CELA3B: variants seen among roughly 807,000 people sequenced by gnomAD.
The protein encoded by CELA3B is chymotrypsin-like elastase family member 3B.
A neutral mutation model predicts 37.2 loss-of-function variants in CELA3B; 34 were observed. The observed-to-expected ratio is 0.91, with a 90% CI of 0.70 to 1.22. The LOEUF is 1.22. Among genes scored for constraint, CELA3B ranks in the 50% most tolerant of loss-of-function variants. CELA3B has a pLI of 0.00. For synonymous variants in CELA3B, 127 were observed against 143.5 expected (o/e 0.89, Z 0.82); for missense variants, 340 against 363.1 (o/e 0.94, Z 0.52).
At position 21,980,884 on chromosome 1, in the gene CELA3B, G is replaced by A. The variant is rs766477609; in HGVS notation, c.190G>A (p.Ala64Thr). The A allele has an allele frequency of 1.7e-5, 27 of 1,612,472 alleles. No individual in the cohort carries two copies. The highest frequency in any genetic ancestry group is 2.2e-5 in the East Asian group (1 of 44,830). Residue 64 changes from alanine (A) to threonine (T), a missense_variant, in exon 3 of 8, where the codon GCC becomes ACC. Coordinates refer to ENST00000337107, the MANE Select transcript of CELA3B (RefSeq NM_007352.4). The stretch of plus-strand genomic sequence containing the variant: ...CCACACCTGTGGCGGTAGCCTCATC[G>A]CCCCCGACTGGGTTGTGACTGCCGG... ...FYHTCGGSLI[A>T]PDWVVTAGHC...
chr1:21,979,506 G>A (rs1308932996), intron 2 of CELA3B, among the ~76,000 whole-genome samples: 20 of 138,436 alleles, frequency 1.4e-4, no homozygotes, highest in Non-Finnish European at 2.9e-4. Context: ...AGGCTGGAGT[G>A]CAGTGGTGTA....
chr1:21,989,771 G>A (rs1384733066), downstream of CELA3B, among the ~76,000 whole-genome samples: 3 of 150,842 alleles, frequency 2.0e-5, 1 homozygote, highest in African/African-American at 7.4e-5. Flanking sequence ...GGGGGCTTTG[G>A]TTATTCATTC....
At chr1:21,988,903 A>T (rs542658138) in intron 7 of CELA3B, among the ~76,000 whole-genome samples, 1 of 103,346 alleles carries the variant, frequency 9.7e-6, no homozygotes, top group African/African-American at 2.8e-5. Flanking sequence ...AAGAAAAAAA[A>T]CTCCAAAAAT....
At position 21,997,012 on chromosome 1, in the gene CELA3B, T is replaced by C. The variant is rs1644893346; in HGVS notation, c.505-1139T>C. Among the ~76,000 whole-genome samples the C allele has an allele frequency of 2.0e-5, 3 of 151,276 alleles. No individual in the cohort carries two copies. The South Asian group carries it at 6.2e-4, about 31-fold the overall frequency. On this transcript the variant is annotated intron_variant, in intron 4 of 4. Transcript: ENST00000400277. ...ATTTATTCCAGCAAAAATCTGAGAATAGTCATCCAGAAACATGGGCTCCAG... is the reference window on the plus strand; with the variant it reads ...ATTTATTCCAGCAAAAATCTGAGAACAGTCATCCAGAAACATGGGCTCCAG...
chr1:21,984,388 G>A, intron 6 of CELA3B, 57 bp downstream of exon 6: 2 of 1,575,974 alleles, frequency 1.3e-6, no homozygotes, highest in African/African-American at 1.3e-5. Flanking sequence ...CTTGGAATGG[G>A]GCCAACTGCC....
chr1:21,998,357 G>A (rs1644900026), exon 5 of CELA3B: 1 of 376,374 alleles, frequency 2.7e-6, no homozygotes, highest in African/African-American at 2.1e-5. Flanking sequence ...CGAGGCCACA[G>A]CAGTGAACAA....
rs550156734 is a variant in CELA3B, at chr1:21,997,684, C to T, written c.505-467C>T. On this transcript the variant is annotated intron_variant, in intron 4 of 4. Transcript: ENST00000400277. ...AGCCTGGGGGACAAGAGTGAGACTTCGTCTCCAAAAAAAAAAAAAAATTAT... is the reference window on the plus strand; with the variant it reads ...AGCCTGGGGGACAAGAGTGAGACTTTGTCTCCAAAAAAAAAAAAAAATTAT... Among the ~76,000 whole-genome samples the T allele has an allele frequency of 3.9e-4, 45 of 116,392 alleles. 1 individual carries two copies. Among genetic ancestry groups the T allele is most frequent in the African/African-American group, 6.1e-4 (23 of 37,416 alleles). 76.4% of individuals were successfully genotyped at this position (116,392 alleles called of 152,430 possible). A position where few individuals can be genotyped will look rare whatever the true frequency, so the allele number is the denominator to read the frequency against.
chr1:21,989,601 G>C (rs969146140), downstream of CELA3B, among the ~76,000 whole-genome samples: 1 of 148,788 alleles, frequency 6.7e-6, no homozygotes, highest in African/African-American at 2.5e-5. Context: ...AATGGGACAA[G>C]TTGGTCGCCT....
chr1:21,995,709 G>A lies in CELA3B; in HGVS notation c.505-2442G>A, dbSNP rs149476204. Among the ~76,000 whole-genome samples the A allele has an allele frequency of 2.1e-3, 316 of 149,066 alleles. 12 individuals are homozygous for A. Among genetic ancestry groups the A allele is most frequent in the African/African-American group, 7.7e-3 (304 of 39,608 alleles). On this transcript the variant is annotated intron_variant, in intron 4 of 4. Coordinates refer to the CELA3B transcript ENST00000400277. ...TTTTTGCCATCACTTTTAATGCCAG[G>A]GAAGCCAGAAGAAAGTATCACAAAC...
Position 21,981,022 on chromosome 1 carries a change from T to A in CELA3B, c.228-16T>A, listed in dbSNP as rs771145591. On this transcript the variant is annotated splice_polypyrimidine_tract_variant and intron_variant, in intron 3 of 7. Coordinates refer to ENST00000337107, the MANE Select transcript of CELA3B (RefSeq NM_007352.4). The stretch of plus-strand genomic sequence containing the variant: ...GTAGCCAGTCAGGCCCAGACTGACC[T>A]CACCTCCGCCCGCAGGAGCTCCCGG... 1.2e-6 allele frequency: 2 copies of A among 1,614,070 alleles called. No homozygotes were observed. The highest frequency in any genetic ancestry group is 4.5e-5 in the East Asian group (2 of 44,862).
At chr1:21,977,715 T>G (rs1352810863) in intron 1 of CELA3B, among the ~76,000 whole-genome samples, 2 of 152,056 alleles carry the variant, frequency 1.3e-5, no homozygotes, top group Non-Finnish European at 2.9e-5. Flanking sequence ...AGAGCTGCAC[T>G]TAATGTTTTT....
At chr1:21,983,574 G>GAT in intron 4 of CELA3B, 120 bp from the exon 5 acceptor site, 2 of 1,415,950 alleles carry the variant, frequency 1.4e-6, no homozygotes, top group Non-Finnish European at 1.9e-6. Context: ...ATGAAAGAGT[G>GAT]GATTTGGAGG....
intron 4 of CELA3B, among the ~76,000 whole-genome samples, chr1:21,982,196 A>G (rs1158243163): frequency 6.6e-6 from 1 of 152,156 alleles, no homozygotes; most frequent in East Asian, 1.9e-4. Flanking sequence ...TAGAGAGAAA[A>G]GGGAGACCCA....
chr1:21,996,490 G>C (rs1164965741), intron 4 of CELA3B, among the ~76,000 whole-genome samples: 2 of 151,156 alleles, frequency 1.3e-5, no homozygotes, highest in African/African-American at 4.9e-5. Context: ...AATAAGGGGA[G>C]GCATGAATAA....
chr1:21,996,957 A>G (rs1375065500), intron 4 of CELA3B, among the ~76,000 whole-genome samples: 1 of 151,420 alleles, frequency 6.6e-6, no homozygotes, highest in African/African-American at 2.4e-5. Context: ...ACCTGTAGTC[A>G]TCAAAGAGAT....
downstream of CELA3B, among the ~76,000 whole-genome samples, chr1:21,991,683 T>C (rs776940130): frequency 4.6e-4 from 70 of 151,338 alleles, 1 homozygote; most frequent in East Asian, 1.6e-3. Context: ...TAAAGGGTTA[T>C]AGCCTGCATG....
At position 21,978,532 on chromosome 1, in the gene CELA3B, G is replaced by A; in HGVS notation, c.129+78G>A. On this transcript the variant is annotated intron_variant, in intron 2 of 7. Coordinates refer to ENST00000337107, the MANE Select transcript of CELA3B (RefSeq NM_007352.4). ...CTCTAATGGCGCGGCATCCAGCCTT[G>A]ACACCATTGCTCCCTTTGCAATGTC... 2.0e-6 allele frequency: 3 copies of A among 1,525,322 alleles called. No homozygotes were observed. The South Asian group carries it at 3.4e-5, about 17-fold the overall frequency. 94.5% of individuals were successfully genotyped at this position (1,525,322 alleles called of 1,614,324 possible). A position where few individuals can be genotyped will look rare whatever the true frequency, so the allele number is the denominator to read the frequency against.
At chr1:21,988,018 C>T (rs1644849523) in intron 7 of CELA3B, 1 of 148,148 alleles carries the variant, frequency 6.8e-6, no homozygotes, top group Admixed American at 6.8e-5. Context: ...CAAGACCAGC[C>T]TGGCCGACAT....
chr1:21,997,614 G>A lies in CELA3B; in HGVS notation c.505-537G>A, dbSNP rs545298501. Among the ~76,000 whole-genome samples, 46 of 150,758 alleles carry A rather than the reference G, an allele frequency of 3.1e-4. 1 individual carries two copies. The highest frequency in any genetic ancestry group is 1.3e-3 in the Admixed American group (20 of 15,140). On this transcript the variant is annotated intron_variant, in intron 4 of 4. Coordinates refer to the CELA3B transcript ENST00000400277. Reference sequence around the variant, plus strand: ...GAGGGCAGAAGAATCACTTGAACCCGGGAGGCGAAGGTGGCAGTGAGCCGA... The same window carrying A: ...GAGGGCAGAAGAATCACTTGAACCCAGGAGGCGAAGGTGGCAGTGAGCCGA...
Sources: allele counts gnomAD v4.1 joint callset (sites outside exome capture counted in the v4.1 genomes callset), GRCh38; gene constraint gnomAD v4.1.1; transcripts MANE v1.5; gene names NCBI Gene and HGNC (gene_info 2026-07-23, HGNC 2026-07-21).